Variants in MSH4 observed in about 807,000 individuals in gnomAD.
The protein encoded by MSH4 is mutS protein homolog 4.
Under a neutral mutation model 113.7 loss-of-function variants are expected in MSH4, and 106 were observed. The observed-to-expected ratio is 0.93, with a 90% CI of 0.80 to 1.10. The LOEUF (loss-of-function observed/expected upper bound fraction) is 1.10. MSH4 is among the 50% of genes least tolerant of loss of function. MSH4 has a pLI of 0.00. For synonymous variants in MSH4, 368 were observed against 380.2 expected (o/e 0.97, Z 0.37); for missense variants, 1,061 against 1,093.7 (o/e 0.97, Z 0.42).
chr1:75,815,709 T>C (rs548246401), intron 5 of MSH4, among the ~76,000 whole-genome samples: 4 of 152,286 alleles, frequency 2.6e-5, no homozygotes, highest in South Asian at 2.1e-4. Context: ...TCTCTGTACA[T>C]TGAGATCTGA....
At chr1:75,814,216 G>A (rs1055512922) in intron 4 of MSH4, among the ~76,000 whole-genome samples, 2 of 150,758 alleles carry the variant, frequency 1.3e-5, no homozygotes, top group Admixed American at 6.7e-5. Flanking sequence ...ACTTTGGGAG[G>A]CCAATGTGGG....
chr1:75,798,962 C>A (rs551680209), intron 1 of MSH4, among the ~76,000 whole-genome samples: 1 of 152,256 alleles, frequency 6.6e-6, no homozygotes, highest in South Asian at 2.1e-4. Context: ...AATCAGTAGA[C>A]CTGTATCTGC....
At chr1:75,883,513 A>T (rs1235319491) in intron 14 of MSH4, 108 bp from the exon 15 acceptor site, 1 of 858,494 alleles carries the variant, frequency 1.2e-6, no homozygotes, top group Non-Finnish European at 1.8e-6. Flanking sequence ...TATTATTCCA[A>T]ATTGACCAGT....
intron 1 of MSH4, among the ~76,000 whole-genome samples, chr1:75,801,979 G>A (rs182408933): frequency 9.3e-4 from 142 of 151,896 alleles, no homozygotes; most frequent in Non-Finnish European, 1.8e-3. Flanking sequence ...GACCAGCCTG[G>A]GCAACATGGC....
In MSH4 at chr1:75,909,754, C is replaced by G. The variant is rs548813643; in HGVS notation, c.2620-2942C>G. ...CGATAACTCTTTTGAAACAGTTTCA[C>G]TCTTCCTGTACTCTCAATCACTTCA... On this transcript the variant is annotated intron_variant, in intron 19 of 19. Transcript: ENST00000263187. Among the ~76,000 whole-genome samples, 11 of 151,176 alleles carry G rather than the reference C, an allele frequency of 7.3e-5. No homozygotes were observed. In the South Asian group the frequency reaches 1.1e-3, roughly 14 times the overall value.
chr1:75,832,620 G>T (rs574669614), intron 7 of MSH4, among the ~76,000 whole-genome samples: 1 of 152,074 alleles, frequency 6.6e-6, no homozygotes, highest in African/African-American at 2.4e-5. Flanking sequence ...GGGATGCAAG[G>T]GTGGTTCAAC....
At chr1:75,865,725 T>A (rs1651548527) in intron 8 of MSH4, among the ~76,000 whole-genome samples, 1 of 152,236 alleles carries the variant, frequency 6.6e-6, no homozygotes, top group African/African-American at 2.4e-5. Context: ...GATTAATGGA[T>A]GCCAAATCAT....
intron 19 of MSH4, among the ~76,000 whole-genome samples, chr1:75,911,362 G>A (rs1445170770): frequency 6.6e-6 from 1 of 152,040 alleles, no homozygotes; most frequent in Admixed American, 6.6e-5. Context: ...GCTTTCAAAT[G>A]TACCTGCTCT....
intron 4 of MSH4, among the ~76,000 whole-genome samples, chr1:75,811,732 A>T (rs962768658): frequency 6.8e-4 from 104 of 152,342 alleles, no homozygotes; most frequent in African/African-American, 2.4e-3. Flanking sequence ...ATTCCTTAGG[A>T]ATGCAAATTA....
At position 75,891,680 on chromosome 1, in the gene MSH4, C is replaced by G. The variant is rs573551853; in HGVS notation, c.2355+856C>G. Among the ~76,000 whole-genome samples, 3 of 152,220 alleles carry G rather than the reference C, an allele frequency of 2.0e-5. No homozygotes were observed. The South Asian group carries it at 6.2e-4, about 32-fold the overall frequency. ...TGTTACCCAGGCTGGTCTTGAACTC[C>G]TGGGCTCAAGTGATCCACTCACTTC... is the stretch of plus-strand genomic sequence containing the variant. On this transcript the variant is annotated intron_variant, in intron 17 of 19. Transcript: ENST00000263187.
intron 9 of MSH4, among the ~76,000 whole-genome samples, chr1:75,873,748 T>TATA (rs1651760026): frequency 9.3e-5 from 14 of 150,434 alleles, no homozygotes; most frequent in Admixed American, 5.3e-4. Context: ...GATCTTGTTT[T>TATA]TATATATATA....
chr1:75,848,161 G>A (rs1557508090), intron 7 of MSH4, 48 bp from the exon 8 acceptor site: 1 of 1,218,958 alleles, frequency 8.2e-7, no homozygotes, highest in South Asian at 1.3e-5. Context: ...TCAATATTTT[G>A]AACTGTACCA....
intron 17 of MSH4, 36 bp from the exon 18 acceptor site, chr1:75,897,871 A>C (rs1652418112): frequency 1.6e-6 from 2 of 1,268,446 alleles, no homozygotes; most frequent in South Asian, 2.7e-5. Flanking sequence ...GTTAATTTTT[A>C]AAGTACTAAT....
chr1:75,829,716 C>A (rs1240529338), intron 7 of MSH4, among the ~76,000 whole-genome samples: 1 of 152,194 alleles, frequency 6.6e-6, no homozygotes, highest in African/African-American at 2.4e-5. Context: ...AGACCTGCAG[C>A]TGAGGGTCCT....
intron 7 of MSH4, among the ~76,000 whole-genome samples, chr1:75,834,595 C>T (rs1251760804): frequency 6.6e-6 from 1 of 152,204 alleles, no homozygotes; most frequent in Non-Finnish European, 1.5e-5. Context: ...GACTACTATG[C>T]AGCCATAACA....
At chr1:75,871,994 T>G (rs955839513) in intron 9 of MSH4, among the ~76,000 whole-genome samples, 2 of 152,210 alleles carry the variant, frequency 1.3e-5, no homozygotes, top group African/African-American at 4.8e-5. Context: ...ATGCTCCAGA[T>G]TCTGAAACTT....
chr1:75,801,371 T>C (rs777483078), intron 1 of MSH4, among the ~76,000 whole-genome samples: 3 of 151,114 alleles, frequency 2.0e-5, no homozygotes, highest in Non-Finnish European at 3.0e-5. Flanking sequence ...TCATGACCAG[T>C]CTGGCCAACA....
chr1:75,898,716 T>C (rs1348859265), intron 18 of MSH4, among the ~76,000 whole-genome samples: 1 of 152,108 alleles, frequency 6.6e-6, no homozygotes, highest in Non-Finnish European at 1.5e-5. Context: ...ATACTTTCTA[T>C]TTAAATCATT....
intron 4 of MSH4, 134 bp downstream of exon 4, chr1:75,810,941 G>A (rs953959920): frequency 4.9e-6 from 2 of 408,732 alleles, no homozygotes; most frequent in Non-Finnish European, 4.3e-6. Context: ...GCGTGATCTC[G>A]GCTTACTGCA....
Sources: gnomAD v4.1 joint callset for allele counts (sites outside exome capture counted in the v4.1 genomes callset) on GRCh38, gnomAD v4.1.1 for gene constraint, MANE v1.5 for transcripts, NCBI Gene and HGNC (gene_info 2026-07-23, HGNC 2026-07-21) for gene names.